The following SMS variants were observed in gnomAD, a reference collection of about 807,000 sequenced individuals.
The protein encoded by SMS is spermidine aminopropyltransferase.
A neutral mutation model predicts 33.0 loss-of-function variants in SMS; 3 were observed. The observed-to-expected ratio is 0.09, with a 90% confidence interval of 0.04 to 0.23. SMS has a LOEUF of 0.23. Ranked by LOEUF, SMS falls within the 10% of genes least tolerant of loss-of-function variation. SMS has a pLI of 1.00. For synonymous variants in SMS, 103 were observed against 112.2 expected (o/e 0.92, Z 0.52); for missense variants, 117 against 288.6 (o/e 0.41, Z 4.31).
chrX:21,952,834 C>T (rs1319058611), intron 1 of SMS, among the ~76,000 whole-genome samples: 4 of 109,625 alleles, frequency 3.6e-5, no homozygotes, highest in African/African-American at 1.3e-4. Context: ...CCTTGACCTC[C>T]AGGGCTCAGG....
intron 1 of SMS, among the ~76,000 whole-genome samples, chrX:21,950,313 A>G (rs1391515983): frequency 9.0e-6 from 1 of 110,914 alleles, no homozygotes; most frequent in African/African-American, 3.3e-5. Flanking sequence ...TTCTCAGTCC[A>G]AGTGTTTGTT....
At chrX:21,983,897 A>T (rs1271814287) in intron 7 of SMS, among the ~76,000 whole-genome samples, 1 of 111,559 alleles carries the variant, frequency 9.0e-6, no homozygotes, top group African/African-American at 3.3e-5. Context: ...TTAAAAAAAT[A>T]AAAATTAAAA....
intron 7 of SMS, among the ~76,000 whole-genome samples, chrX:21,983,840 T>G (rs1473085316): frequency 1.8e-5 from 2 of 111,209 alleles, no homozygotes; most frequent in Non-Finnish European, 3.8e-5. Context: ...CTGGGCAACG[T>G]AGTGAGACCC....
chrX:21,987,771 A>G (rs1475561362), intron 9 of SMS, among the ~76,000 whole-genome samples: 1 of 112,771 alleles, frequency 8.9e-6, no homozygotes, highest in Non-Finnish European at 1.9e-5. Context: ...AGTCTGTAGT[A>G]CAAAAGGCAG....
intron 7 of SMS, among the ~76,000 whole-genome samples, chrX:21,982,336 CAA>C (rs11430711): frequency 2.6e-4 from 12 of 46,077 alleles, no homozygotes; most frequent in Non-Finnish European, 1.7e-4. Flanking sequence ...AGACTTGTCT[CAA>C]AAAAAAAAAA....
chrX:21,981,493 C>G (rs914995394), intron 7 of SMS, among the ~76,000 whole-genome samples: 2 of 111,516 alleles, frequency 1.8e-5, no homozygotes, highest in African/African-American at 3.3e-5. Flanking sequence ...GAAATATGTC[C>G]TATTTGTTGT....
rs762162684 is a variant in SMS at position 21,967,257 on chromosome X, G to A, written c.111G>A (p.Glu37=). 3 of 1,206,714 alleles carry A rather than the reference G, an allele frequency of 2.5e-6. No individual in the cohort carries two copies. The Admixed American group carries it at 6.6e-5, about 27-fold the overall frequency. Reference sequence around the variant, plus strand: ...TTTTCCAGGAGCAGGGGATGGCGGAGTCGGTGCACACCTGGCAGGACCATG... The same window carrying A: ...TTTTCCAGGAGCAGGGGATGGCGGAATCGGTGCACACCTGGCAGGACCATG... The part of the protein sequence containing the change: ...QSIFQEQGMA[E]SVHTWQDHGY... The change falls in exon 2 of 11, where the codon GAG becomes GAA. Residue 37 remains glutamate (E), a synonymous_variant. Coordinates refer to ENST00000404933, the MANE Select transcript of SMS (RefSeq NM_004595.5).
intron 1 of SMS, among the ~76,000 whole-genome samples, chrX:21,966,874 T>C (rs547390258): frequency 2.7e-5 from 3 of 110,717 alleles, no homozygotes; most frequent in African/African-American, 6.6e-5. Flanking sequence ...TATTTTGTTA[T>C]GCTGTCTCTA....
chrX:21,986,638 T>C (rs1320722289), intron 9 of SMS, among the ~76,000 whole-genome samples: 4 of 112,278 alleles, frequency 3.6e-5, no homozygotes, highest in Non-Finnish European at 7.5e-5. Context: ...CAAAGCACTA[T>C]CAATGAATGG....
At chrX:21,980,492 A>G (rs2146950067) in intron 7 of SMS, among the ~76,000 whole-genome samples, 1 of 104,765 alleles carries the variant, frequency 9.5e-6, no homozygotes, top group South Asian at 4.3e-4. Context: ...TCCTGAATCT[A>G]AAATAAAAGT....
At chrX:21,982,069 C>T (rs1924987579) in intron 7 of SMS, among the ~76,000 whole-genome samples, 1 of 110,404 alleles carries the variant, frequency 9.1e-6, no homozygotes, top group Non-Finnish European at 1.9e-5. Context: ...CGCGGTGGCT[C>T]ACACCTGTAA....
At chrX:21,956,304 C>T (rs746116307) in intron 1 of SMS, among the ~76,000 whole-genome samples, 6 of 111,613 alleles carry the variant, frequency 5.4e-5, no homozygotes, top group Non-Finnish European at 1.1e-4. Flanking sequence ...ATTTTTCACG[C>T]CACTGTCTCT....
chrX:21,991,888 G>A (rs1318790447), intron 9 of SMS, among the ~76,000 whole-genome samples: 5 of 111,667 alleles, frequency 4.5e-5, no homozygotes, highest in Non-Finnish European at 9.4e-5. Flanking sequence ...TGAAGAGGCC[G>A]GTGGCTCTTT....
chrX:21,969,919 G>T (rs1924010311), intron 2 of SMS, among the ~76,000 whole-genome samples: 1 of 112,524 alleles, frequency 8.9e-6, no homozygotes, highest in Non-Finnish European at 1.9e-5. Context: ...GGTTCAAACA[G>T]TTCTCCACCT....
Position 21,994,378 on chromosome X carries a change from C to T in SMS, c.*27C>T. ...GATCAGTAGCCCCTAATCACATGTGCTGCAAATAGCCTTCCTGACCTCCAT... is the reference window on the plus strand; with the variant it reads ...GATCAGTAGCCCCTAATCACATGTGTTGCAAATAGCCTTCCTGACCTCCAT... On this transcript the variant is annotated 3_prime_UTR_variant, in exon 11 of 11. Transcript: ENST00000404933. 1 of 1,200,714 alleles carries T rather than the reference C, an allele frequency of 8.3e-7. No individual in the cohort carries two copies. The highest frequency in any genetic ancestry group is 1.1e-6 in the Non-Finnish European group (1 of 885,613).
intron 1 of SMS, among the ~76,000 whole-genome samples, chrX:21,953,423 G>T (rs1265187960): frequency 1.8e-5 from 2 of 111,960 alleles, no homozygotes; most frequent in African/African-American, 6.5e-5. Flanking sequence ...TACGACTTGA[G>T]TTTGTCTAGT....
chrX:21,958,944 C>T (rs930926641), intron 1 of SMS, among the ~76,000 whole-genome samples: 1 of 113,070 alleles, frequency 8.8e-6, no homozygotes, highest in Non-Finnish European at 1.9e-5. Flanking sequence ...ATCAGTACTT[C>T]GTTCCTTTTA....
In SMS at chrX:21,967,335, T is replaced by G. The variant is rs1923803570; in HGVS notation, c.170+19T>G. 1 of 1,205,927 alleles carries G rather than the reference T, an allele frequency of 8.3e-7. No homozygotes were observed. The highest frequency in any genetic ancestry group is 1.1e-6 in the Non-Finnish European group (1 of 891,421). ...ACGGCAGGTGAGCAGTCTCCAGTGC[T>G]GTTCTTCATACCTGGTCACTTATGA... On this transcript the variant is annotated intron_variant, in intron 2 of 10. Transcript: ENST00000404933.
chrX:21,974,240 TG>T (rs1924392280), intron 4 of SMS, among the ~76,000 whole-genome samples: 1 of 112,461 alleles, frequency 8.9e-6, no homozygotes, highest in African/African-American at 3.2e-5. Flanking sequence ...CCAGAGCAGA[TG>T]TAAGATAACT....
Sources: allele counts gnomAD v4.1 joint callset (sites outside exome capture counted in the v4.1 genomes callset), GRCh38; gene constraint gnomAD v4.1.1; transcripts MANE v1.5; gene names NCBI Gene and HGNC (gene_info 2026-07-23, HGNC 2026-07-21).